Variants in HIBADH observed in about 807,000 individuals in gnomAD.
HIBADH encodes the protein 3-hydroxyisobutyrate dehydrogenase, also known as 3-hydroxyisobutyrate dehydrogenase, mitochondrial.
A neutral mutation model predicts 36.1 loss-of-function variants in HIBADH; 25 were observed. The observed-to-expected ratio is 0.69, with a 90% CI of 0.50 to 0.97. The LOEUF is 0.97. HIBADH is among the 50% of genes least tolerant of loss of function. The pLI is 0.00. For synonymous variants in HIBADH, 160 were observed against 149.5 expected (o/e 1.07, Z -0.51); for missense variants, 421 against 418.0 (o/e 1.01, Z -0.06).
intron 4 of HIBADH, among the ~76,000 whole-genome samples, chr7:27,544,494 A>G (rs1350083448): frequency 2.6e-5 from 4 of 152,326 alleles, no homozygotes; most frequent in Admixed American, 1.3e-4. Flanking sequence ...CAATTAGCCA[A>G]TCTATGTCAT....
At chr7:27,638,993 G>A (rs1785908367) in intron 2 of HIBADH, among the ~76,000 whole-genome samples, 2 of 152,210 alleles carry the variant, frequency 1.3e-5, no homozygotes, top group Admixed American at 6.5e-5. Flanking sequence ...CCGCTGGTGG[G>A]AATGCAAATT....
At chr7:27,555,302 CTTTT>C (rs3072856) in intron 4 of HIBADH, among the ~76,000 whole-genome samples, 16 of 127,406 alleles carry the variant, frequency 1.3e-4, no homozygotes, top group East Asian at 9.3e-4. Context: ...TCTTGCTCTA[CTTTT>C]TTTTTTTTTT....
intron 4 of HIBADH, among the ~76,000 whole-genome samples, chr7:27,628,406 A>G (rs1785686120): frequency 6.6e-6 from 1 of 152,128 alleles, no homozygotes; most frequent in Admixed American, 6.5e-5. Flanking sequence ...TAAAATTCAT[A>G]TTCTGCTGTC....
At chr7:27,662,567 C>T in intron 1 of HIBADH, 131 bp downstream of exon 1, 1 of 486,008 alleles carries the variant, frequency 2.1e-6, no homozygotes, top group African/African-American at 2.0e-5. Context: ...CCTTTAGTAC[C>T]AGCCAAAATA....
At chr7:27,588,353 C>T (rs1015227792) in intron 4 of HIBADH, among the ~76,000 whole-genome samples, 9 of 152,096 alleles carry the variant, frequency 5.9e-5, no homozygotes, top group East Asian at 1.9e-4. Context: ...TTAAGAGATA[C>T]GGTCTCACTC....
chr7:27,543,809 A>T (rs1784194862), intron 4 of HIBADH, among the ~76,000 whole-genome samples: 1 of 152,024 alleles, frequency 6.6e-6, no homozygotes, highest in African/African-American at 2.4e-5. Flanking sequence ...TGACTTCACT[A>T]CTCCTTAGTA....
At chr7:27,612,770 C>A (rs904169512) in intron 4 of HIBADH, among the ~76,000 whole-genome samples, 1 of 149,174 alleles carries the variant, frequency 6.7e-6, no homozygotes, top group Admixed American at 6.7e-5. Context: ...CCCATCACTA[C>A]AAAAAAAATT....
At chr7:27,650,184 T>C (rs1786155134) in intron 1 of HIBADH, among the ~76,000 whole-genome samples, 1 of 151,740 alleles carries the variant, frequency 6.6e-6, no homozygotes, top group Non-Finnish European at 1.5e-5. Flanking sequence ...ACAGAAAGTA[T>C]TCAAAAAGAC....
chr7:27,571,558 C>G (rs942006035), intron 4 of HIBADH, among the ~76,000 whole-genome samples: 4 of 152,132 alleles, frequency 2.6e-5, no homozygotes, highest in Non-Finnish European at 5.9e-5. Flanking sequence ...TATGTATAGT[C>G]ATTTCATACT....
At chr7:27,630,796 T>C (rs1391051344) in intron 3 of HIBADH, among the ~76,000 whole-genome samples, 3 of 152,166 alleles carry the variant, frequency 2.0e-5, no homozygotes, top group East Asian at 1.9e-4. Context: ...TTTAGACATA[T>C]GAATTGTTAC....
chr7:27,590,733 A>C (rs946398034), intron 4 of HIBADH, among the ~76,000 whole-genome samples: 2 of 152,240 alleles, frequency 1.3e-5, no homozygotes, highest in Non-Finnish European at 2.9e-5. Flanking sequence ...ATCTCACTTA[A>C]TCCTATAAAA....
intron 4 of HIBADH, among the ~76,000 whole-genome samples, chr7:27,615,365 G>A (rs1583598933): frequency 6.6e-6 from 1 of 152,134 alleles, no homozygotes; most frequent in South Asian, 2.1e-4. Flanking sequence ...TATCCTCTTT[G>A]AACCTCGATT....
intron 4 of HIBADH, among the ~76,000 whole-genome samples, chr7:27,570,664 G>T (rs1399835673): frequency 6.6e-6 from 1 of 151,504 alleles, no homozygotes; most frequent in East Asian, 1.9e-4. Flanking sequence ...ACTTCAAACA[G>T]GTAAATTTTA....
chr7:27,561,320 C>T (rs995441992), intron 4 of HIBADH, among the ~76,000 whole-genome samples: 1 of 152,066 alleles, frequency 6.6e-6, no homozygotes, highest in East Asian at 1.9e-4. Flanking sequence ...GTTTAATATA[C>T]AGGATTTTCA....
At chr7:27,662,578 T>C (rs1786446059) in intron 1 of HIBADH, 120 bp downstream of exon 1, 3 of 530,430 alleles carry the variant, frequency 5.7e-6, no homozygotes, top group Admixed American at 4.4e-5. Flanking sequence ...AGCCAAAATA[T>C]TGTTTTTTAA....
At chr7:27,616,991 A>T (rs1390867578) in intron 4 of HIBADH, among the ~76,000 whole-genome samples, 1 of 152,050 alleles carries the variant, frequency 6.6e-6, no homozygotes, top group Admixed American at 6.5e-5. Flanking sequence ...ATTGAAGAAA[A>T]ATATTTTTTA....
chr7:27,578,582 G>A (rs1433346144), intron 4 of HIBADH, among the ~76,000 whole-genome samples: 1 of 152,146 alleles, frequency 6.6e-6, no homozygotes. Flanking sequence ...CTCCTGAAGT[G>A]CCAGGATTAC....
intron 4 of HIBADH, among the ~76,000 whole-genome samples, chr7:27,575,132 T>C (rs1784688899): frequency 6.6e-6 from 1 of 152,236 alleles, no homozygotes; most frequent in South Asian, 2.1e-4. Context: ...GAAAGCCAGA[T>C]ACTCTGCCAA....
At chr7:27,590,580 G>A (rs1198156835) in intron 4 of HIBADH, among the ~76,000 whole-genome samples, 7 of 152,072 alleles carry the variant, frequency 4.6e-5, no homozygotes, top group African/African-American at 1.7e-4. Flanking sequence ...CAGACCTCTA[G>A]TTTGAAGATT....
Sources: gnomAD v4.1 joint callset for allele counts (sites outside exome capture counted in the v4.1 genomes callset) on GRCh38, gnomAD v4.1.1 for gene constraint, MANE v1.5 for transcripts, NCBI Gene and HGNC (gene_info 2026-07-23, HGNC 2026-07-21) for gene names.